The following UBR4 variants were observed in gnomAD, a reference collection of about 807,000 sequenced individuals.
The protein encoded by UBR4 is E3 ubiquitin-protein ligase UBR4.
In UBR4, 124 loss-of-function variants were observed where a neutral mutation model predicts 575.6. That is an observed-to-expected ratio of 0.22 (90% CI 0.19 to 0.25). The LOEUF (loss-of-function observed/expected upper bound fraction) is 0.25. UBR4 is among the 10% of genes least tolerant of loss of function. The pLI is 1.00. For missense variants in UBR4, 4,818 were observed against 6,478.8 expected (o/e 0.74, Z 8.80); for synonymous variants, 2,455 against 2,473.7 (o/e 0.99, Z 0.22).
intron 62 of UBR4, 91 bp downstream of exon 62, chr1:19,128,120 C>T (rs965122260): frequency 2.0e-5 from 25 of 1,241,920 alleles, no homozygotes; most frequent in Non-Finnish European, 2.9e-5. Context: ...CCCCTTGAAA[C>T]GAGGTGAAGT....
chr1:19,169,716 T>C (rs2089196148), intron 26 of UBR4, among the ~76,000 whole-genome samples, 184 bp from the exon 27 acceptor site: 1 of 152,244 alleles, frequency 6.6e-6, no homozygotes, highest in Admixed American at 6.5e-5. Flanking sequence ...AATTGCTTAA[T>C]AGCTAACACT....
At chr1:19,181,356 C>T (rs2090936996) in intron 17 of UBR4, among the ~76,000 whole-genome samples, 1 of 152,044 alleles carries the variant, frequency 6.6e-6, no homozygotes, top group Non-Finnish European at 1.5e-5. Flanking sequence ...AGTAACATCC[C>T]CACCTCTAAA....
intron 78 of UBR4, among the ~76,000 whole-genome samples, chr1:19,111,432 T>A (rs889998354): frequency 1.3e-5 from 2 of 152,064 alleles, no homozygotes; most frequent in African/African-American, 4.8e-5. Flanking sequence ...GCTACACGGG[T>A]TCCTTGTGAT....
chr1:19,173,267 T>C lies in UBR4; in HGVS notation c.3205A>G (p.Ser1069Gly), dbSNP rs775183770. ...IKQGMKAEHASSLLELASTTK... is the reference protein window; with the variant it reads ...IKQGMKAEHAGSLLELASTTK... ...GTGGATGCCAGTTCTAGAAGCGAGC[T>C]AGCATGCTCAGCCTTCATTCCCTGT... The change falls in exon 24 of 106, where the codon AGC (serine) becomes GGC (glycine). Residue 1069 changes from serine to glycine, a missense_variant. By Grantham distance (56) the Ser-to-Gly change is moderately conservative. This residue lies in a region of UBR4 where 1,172 missense variants were observed against 1,259.7 expected (regional missense o/e 0.93). Transcript: ENST00000375254. 2.5e-6 allele frequency: 4 copies of C among 1,613,658 alleles called. No individual in the cohort carries two copies. The highest frequency in any genetic ancestry group is 1.3e-5 in the African/African-American group (1 of 74,942).
chr1:19,200,149 T>C (rs1002807479), intron 2 of UBR4, among the ~76,000 whole-genome samples: 10 of 152,184 alleles, frequency 6.6e-5, no homozygotes, highest in Non-Finnish European at 1.5e-4. Flanking sequence ...CCTCTAGAGT[T>C]CATGCTCTTA....
In UBR4 at chr1:19,174,375, C is replaced by A. The variant is rs1254679813; in HGVS notation, c.2926G>T (p.Ala976Ser). The change falls in exon 22 of 106, where the codon GCT becomes TCT. Residue 976 changes from alanine (A) to serine (S), a missense_variant. This residue lies in a region of UBR4 where 1,172 missense variants were observed against 1,259.7 expected (regional missense o/e 0.93). Transcript: ENST00000375254. ...CTAACTGTATCAAGCTGGGACCCAG[C>A]TGCAAGCAGGGCTGTCAGTGCAGCA... ...LYAALTALLA[A>S]GSQLDTVRRK... The A allele has an allele frequency of 1.9e-6, 3 of 1,613,378 alleles. No homozygotes were observed. The African/African-American group carries it at 4.0e-5, about 22-fold the overall frequency.
At chr1:19,099,513 G>T in intron 90 of UBR4, 84 bp downstream of exon 90, 2 of 1,264,452 alleles carry the variant, frequency 1.6e-6, no homozygotes, top group Non-Finnish European at 2.3e-6. Context: ...GGTAAGTGAT[G>T]ATGAACAATG....
At chr1:19,178,233 T>A (rs557270182) in intron 18 of UBR4, among the ~76,000 whole-genome samples, 1 of 152,330 alleles carries the variant, frequency 6.6e-6, no homozygotes, top group African/African-American at 2.4e-5. Flanking sequence ...AATAACTCGA[T>A]AGACTATAAA....
chr1:19,198,191 C>G, intron 5 of UBR4, 142 bp from the exon 6 acceptor site: 1 of 844,780 alleles, frequency 1.2e-6, no homozygotes, highest in Non-Finnish European at 1.8e-6. Flanking sequence ...GGAGAAAATA[C>G]AGGTTACATT....
intron 92 of UBR4, chr1:19,095,955 AC>A: frequency 3.1e-6 from 1 of 319,470 alleles, no homozygotes; most frequent in East Asian, 7.5e-5. Flanking sequence ...CCCAGCATCA[AC>A]TCAGACCCTA....
At chr1:19,084,977 T>C (rs2076868579) in intron 101 of UBR4, among the ~76,000 whole-genome samples, 1 of 152,228 alleles carries the variant, frequency 6.6e-6, no homozygotes, top group Admixed American at 6.5e-5. Context: ...ACTAATGTTG[T>C]AGGACATACC....
chr1:19,090,775 AAAGTAATTC>A (rs1254611430), intron 97 of UBR4, among the ~76,000 whole-genome samples: 1 of 152,208 alleles, frequency 6.6e-6, no homozygotes, highest in Non-Finnish European at 1.5e-5. Context: ...TATTCTAAAG[AAAGTAATTC>A]AATTTGGTAA....
At chr1:19,132,501 AG>A (rs2082604268) in intron 60 of UBR4, among the ~76,000 whole-genome samples, 1 of 151,494 alleles carries the variant, frequency 6.6e-6, no homozygotes, top group South Asian at 2.1e-4. Context: ...TTTTTAAAGT[AG>A]GTTTAAAATA....
At chr1:19,095,855 G>A (rs1228321223) in intron 92 of UBR4, 35 of 527,966 alleles carry the variant, frequency 6.6e-5, no homozygotes, top group Middle Eastern at 1.0e-3. Flanking sequence ...CTCCAATGGC[G>A]GGATATATCT....
At chr1:19,171,546 A>T (rs1360426680) in intron 25 of UBR4, among the ~76,000 whole-genome samples, 1 of 152,200 alleles carries the variant, frequency 6.6e-6, no homozygotes. Flanking sequence ...TTAAAGCAGC[A>T]TAAAGCCCAC....
intron 17 of UBR4, among the ~76,000 whole-genome samples, chr1:19,181,131 G>T (rs1042115841): frequency 6.6e-6 from 1 of 152,142 alleles, no homozygotes; most frequent in Non-Finnish European, 1.5e-5. Context: ...TACAGTCCCA[G>T]CTATACGGGA....
At chr1:19,186,168 A>G (rs1286193228) in intron 14 of UBR4, among the ~76,000 whole-genome samples, 2 of 152,204 alleles carry the variant, frequency 1.3e-5, no homozygotes, top group Non-Finnish European at 2.9e-5. Flanking sequence ...TATGACTATG[A>G]TAACATCCAA....
chr1:19,105,670 G>C, intron 84 of UBR4, 63 bp downstream of exon 84: 1 of 1,255,160 alleles, frequency 8.0e-7, no homozygotes, highest in South Asian at 1.6e-5. Flanking sequence ...GGATTCCCCG[G>C]GGAAGATGAA....
At chr1:19,145,033 C>G in intron 53 of UBR4, 126 bp from the exon 54 acceptor site, 1 of 1,038,798 alleles carries the variant, frequency 9.6e-7, no homozygotes, top group Non-Finnish European at 1.4e-6. Context: ...GACAAACACT[C>G]ACATACACAC....
Sources: allele counts gnomAD v4.1 joint callset (sites outside exome capture counted in the v4.1 genomes callset), GRCh38; gene constraint gnomAD v4.1.1; regional missense constraint gnomAD v4.1.1; transcripts MANE v1.5; gene names NCBI Gene and HGNC (gene_info 2026-07-23, HGNC 2026-07-21).